Variants in NCAN observed in about 807,000 individuals in gnomAD.
NCAN encodes neurocan core protein.
In NCAN, 47 loss-of-function variants were observed where a neutral mutation model predicts 121.8. The ratio of observed to expected loss-of-function variants is 0.39; its 90% CI spans 0.31 to 0.49. The LOEUF is 0.49. Among genes scored for constraint, NCAN ranks in the 20% least tolerant of loss-of-function variants. NCAN has a pLI of 0.92. For synonymous variants in NCAN, 633 were observed against 702.0 expected, an observed-to-expected ratio of 0.90 and a Z score of 1.55; for missense variants, 1,517 against 1,773.4, an observed-to-expected ratio of 0.86 and a Z score of 2.60.
chr19:19,213,857 G>A (rs1305985461), intron 1 of NCAN, among the ~76,000 whole-genome samples: 3 of 152,088 alleles, frequency 2.0e-5, no homozygotes, highest in East Asian at 3.9e-4. Context: ...TCTCCTCCAC[G>A]GAGTTCCACA....
rs1462680520 is a variant in NCAN at position 19,225,787 on chromosome 19, G to A, written c.1072+517G>A. Among the ~76,000 whole-genome samples the A allele has an allele frequency of 6.6e-6, 1 of 152,314 alleles. No individual in the cohort carries two copies. Among genetic ancestry groups the A allele is most frequent in the Non-Finnish European group, 1.5e-5 (1 of 68,016 alleles). ...CCTCTAAGTAAGCTGCCCCAGTCCTGGCATGGGCATACCATGCCCACGGGG... is the reference window on the plus strand; with the variant it reads ...CCTCTAAGTAAGCTGCCCCAGTCCTAGCATGGGCATACCATGCCCACGGGG... On this transcript the variant is annotated intron_variant, in intron 6 of 14. Transcript: ENST00000252575. The surrounding 1 kb of genome is among the most constrained non-coding windows in gnomAD (Gnocchi z 4.0).
rs1460102244 is a variant in NCAN, at chr19:19,212,906, C to T, written c.-8+842C>T. ...ACGTCCTTACAGCATGACACAGACC[C>T]CTACCCCCACCCCCTTTAGTTCCAC... On this transcript the variant is annotated intron_variant, in intron 1 of 14. Coordinates refer to ENST00000252575, the MANE Select transcript of NCAN (RefSeq NM_004386.3). The surrounding 1 kb of genome is among the most constrained non-coding windows in gnomAD (Gnocchi z 4.5). 6.6e-6 allele frequency among the ~76,000 whole-genome samples: 1 copy of T among 152,214 alleles called. No individual in the cohort carries two copies. The highest frequency in any genetic ancestry group is 1.5e-5 in the Non-Finnish European group (1 of 68,028).
rs1023174316 is a variant in NCAN, at chr19:19,228,415, C to G, written c.2795C>G (p.Thr932Arg). ...GGGAAACCGGCTGTTCCTCCTGGGA[C>G]ACCGACTGCAGCCAGTGTGGGCGAG... ...PLGKPAVPPG[T>R]PTAASVGESA... The change falls in exon 8 of 15, where the codon ACA becomes AGA. Residue 932 changes from threonine (T) to arginine (R), a missense_variant. By Grantham distance (71) the Thr-to-Arg change is moderately conservative. Transcript: ENST00000252575. The G allele has an allele frequency of 1.9e-6, 3 of 1,613,632 alleles. No homozygotes were observed.
rs929280082 is a variant in NCAN, at chr19:19,228,167, G to C, written c.2547G>C (p.Gln849His). ...GTGGAATTTGGGAACCTGGATCCCA[G>C]GTGTTTGAAGAAGCCGAAAGCACCA... ...DASGIWEPGSQVFEEAESTTL... is the reference protein window; with the variant it reads ...DASGIWEPGSHVFEEAESTTL... Residue 849 changes from glutamine to histidine, a missense_variant, in exon 8 of 15, where the codon CAG becomes CAC. Gln to His is a conservative substitution (Grantham distance 24). Coordinates refer to ENST00000252575, the MANE Select transcript of NCAN (RefSeq NM_004386.3). The C allele has an allele frequency of 6.2e-7, 1 of 1,613,904 alleles. No homozygotes were observed. The highest frequency in any genetic ancestry group is 1.3e-5 in the African/African-American group (1 of 75,044).
chr19:19,217,861 C>G (rs1410288762), intron 2 of NCAN, among the ~76,000 whole-genome samples: 2 of 152,144 alleles, frequency 1.3e-5, no homozygotes, highest in African/African-American at 4.8e-5. Context: ...GTGGCACATG[C>G]CTGTAATCCC....
At chr19:19,215,494 T>C (rs2060793185) in intron 1 of NCAN, among the ~76,000 whole-genome samples, 1 of 152,138 alleles carries the variant, frequency 6.6e-6, no homozygotes, top group South Asian at 2.1e-4. Context: ...TTAATAATTG[T>C]CCACTTTATC....
At chr19:19,236,803 A>G (rs1346773090) in intron 10 of NCAN, among the ~76,000 whole-genome samples, 1 of 150,864 alleles carries the variant, frequency 6.6e-6, no homozygotes, top group East Asian at 1.9e-4. Context: ...ATCATAGTTC[A>G]CTGTCACCTT....
Position 19,233,811 on chromosome 19 carries a change from C to A in NCAN, c.3042C>A (p.Asn1014Lys). Residue 1014 changes from asparagine (N) to lysine (K), a missense_variant, in exon 9 of 15, where the codon AAC (asparagine) becomes AAA (lysine). Physicochemically the swap from Asn to Lys is moderately conservative, Grantham distance 94. Coordinates refer to ENST00000252575, the MANE Select transcript of NCAN (RefSeq NM_004386.3). ...CAGTGCACTCAGATCCCTGTGAGAA[C>A]AACCCTTGTCTTCATGGAGGGACAT... ...AEEVHSDPCENNPCLHGGTCN... is the reference protein window; with the variant it reads ...AEEVHSDPCEKNPCLHGGTCN... 1 of 1,613,316 alleles carries A rather than the reference C, an allele frequency of 6.2e-7. No individual in the cohort carries two copies. The highest frequency in any genetic ancestry group is 8.5e-7 in the Non-Finnish European group (1 of 1,179,224).
In NCAN at chr19:19,212,030, C is replaced by A; in HGVS notation, c.-42C>A. On this transcript the variant is annotated 5_prime_UTR_variant, in exon 1 of 15. Coordinates refer to ENST00000252575, the MANE Select transcript of NCAN (RefSeq NM_004386.3). The surrounding 1 kb of genome is among the most constrained non-coding windows in gnomAD (Gnocchi z 4.5). ...GGAGCGCAGCGTCCTTTGTGCCCGG[C>A]GGCCGCCCCGGGATGCGTCCGAGCT... 4.7e-6 allele frequency: 1 copy of A among 211,382 alleles called. No homozygotes were observed. The highest frequency in any genetic ancestry group is 4.4e-5 in the South Asian group (1 of 22,966). 13.1% of individuals were successfully genotyped at this position (211,382 alleles called of 1,614,324 possible). A position where few individuals can be genotyped will look rare whatever the true frequency, so the allele number is the denominator to read the frequency against.
chr19:19,225,800 C>T lies in NCAN; in HGVS notation c.1072+530C>T, dbSNP rs1180784206. Among the ~76,000 whole-genome samples the T allele has an allele frequency of 1.3e-5, 2 of 152,214 alleles. No homozygotes were observed. Among genetic ancestry groups the T allele is most frequent in the East Asian group, 3.8e-4 (2 of 5,200 alleles). On this transcript the variant is annotated intron_variant, in intron 6 of 14. Transcript: ENST00000252575. The surrounding 1 kb of genome is among the most constrained non-coding windows in gnomAD (Gnocchi z 4.0). ...TGCCCCAGTCCTGGCATGGGCATAC[C>T]ATGCCCACGGGGCACCACCTGTACC...
In NCAN at chr19:19,227,076, G is replaced by T. The variant is rs751915040; in HGVS notation, c.1660+3G>T. The T allele has an allele frequency of 1.3e-6, 2 of 1,508,122 alleles. No homozygotes were observed. 93.4% of individuals were successfully genotyped at this position (1,508,122 alleles called of 1,614,324 possible). On this transcript the variant is annotated splice_donor_region_variant and intron_variant, in intron 7 of 14. Transcript: ENST00000252575. The surrounding 1 kb of genome is among the most constrained non-coding windows in gnomAD (Gnocchi z 4.2). ...TGAGGTGGATATGCCTGGAGCTGGTGAGTTGCTCTGGGGGAGGCGGGACCT... is the reference window on the plus strand; with the variant it reads ...TGAGGTGGATATGCCTGGAGCTGGTTAGTTGCTCTGGGGGAGGCGGGACCT...
In NCAN at chr19:19,248,756, G is replaced by A; in HGVS notation, c.3694G>A (p.Ala1232Thr). 6.2e-7 allele frequency: 1 copy of A among 1,614,202 alleles called. No homozygotes were observed. The highest frequency in any genetic ancestry group is 1.1e-5 in the South Asian group (1 of 91,080). The change falls in exon 14 of 15, where the codon GCC becomes ACC. Residue 1232 changes from alanine (A) to threonine (T), a missense_variant. Transcript: ENST00000252575. ...ENASLIGARK[A>T]KYNVHATVRY... ...TGCCTCACTCATCGGTGCCCGCAAG[G>A]CCAAGTACAATGTCCATGCCACTGT...
chr19:19,244,677 G>A (rs1025693944), intron 12 of NCAN, among the ~76,000 whole-genome samples: 2 of 151,028 alleles, frequency 1.3e-5, no homozygotes, highest in Admixed American at 6.6e-5. Context: ...CCTGGACTTC[G>A]GGCTGAGATC....
At chr19:19,247,217 C>T (rs1202411774) in intron 13 of NCAN, among the ~76,000 whole-genome samples, 2 of 151,944 alleles carry the variant, frequency 1.3e-5, no homozygotes, top group Non-Finnish European at 2.9e-5. Context: ...TTACCAGTAG[C>T]TGGACTACGG....
rs753887390 is a variant in NCAN, at chr19:19,251,152, C to G, written c.*1241C>G. ...CAGCTTTTCCTCCATGTCTGTTACT[C>G]ACTTTCAGCAGTCCGGGTAAAATCT... is the stretch of plus-strand genomic sequence containing the variant. On this transcript the variant is annotated 3_prime_UTR_variant, in exon 15 of 15. Coordinates refer to ENST00000252575, the MANE Select transcript of NCAN (RefSeq NM_004386.3). 2.6e-5 allele frequency: 4 copies of G among 152,176 alleles called. No homozygotes were observed. The highest frequency in any genetic ancestry group is 5.9e-5 in the Non-Finnish European group (4 of 68,042). 9.4% of individuals were successfully genotyped at this position (152,176 alleles called of 1,614,324 possible). A position where few individuals can be genotyped will look rare whatever the true frequency, so the allele number is the denominator to read the frequency against.
chr19:19,241,146 C>T (rs2060901978), intron 12 of NCAN, among the ~76,000 whole-genome samples: 1 of 152,114 alleles, frequency 6.6e-6, no homozygotes, highest in Non-Finnish European at 1.5e-5. Context: ...ATCCCAGCTA[C>T]TCAGGAGGCT....
rs2060844411 is a variant in NCAN at position 19,228,028 on chromosome 19, G to A, written c.2408G>A (p.Gly803Glu). ...CCATCTGCCCCCCTGGGGAGCCCTGGAGTCTTCTTGGTACCCAAAGTCACC... is the reference window on the plus strand; with the variant it reads ...CCATCTGCCCCCCTGGGGAGCCCTGAAGTCTTCTTGGTACCCAAAGTCACC... ...SSPSAPLGSP[G>E]VFLVPKVTPN... Residue 803 changes from glycine (G) to glutamate (E), a missense_variant, in exon 8 of 15, where the codon GGA (glycine) becomes GAA (glutamate). Physicochemically the swap from Gly to Glu is moderately conservative, Grantham distance 98. Transcript: ENST00000252575. The A allele has an allele frequency of 6.2e-7, 1 of 1,613,530 alleles. No homozygotes were observed. Among genetic ancestry groups the A allele is most frequent in the South Asian group, 1.1e-5 (1 of 91,078 alleles).
Position 19,220,916 on chromosome 19 carries a change from A to AAAAC in NCAN, c.475+1616_475+1619dup, listed in dbSNP as rs146994215. Among the ~76,000 whole-genome samples, 1,152 of 152,192 alleles carry AAAAC rather than the reference A, an allele frequency of 7.6e-3. 19 individuals are homozygous for AAAAC. Among genetic ancestry groups the AAAAC allele is most frequent in the African/African-American group, 0.025 (1,044 of 41,518 alleles). On this transcript the variant is annotated intron_variant, in intron 3 of 14. Coordinates refer to ENST00000252575, the MANE Select transcript of NCAN (RefSeq NM_004386.3). ...AGACCCTGTCTCTATTAGAAAAACAAAAACAAACAAACAAACAAAAAACAA... is the reference window on the plus strand; with the variant it reads ...AGACCCTGTCTCTATTAGAAAAACAAAAACAAACAAACAAACAAACAAAAAACAA...
chr19:19,251,983 G>C lies in NCAN; in HGVS notation c.*2072G>C, dbSNP rs1352541106. On this transcript the variant is annotated 3_prime_UTR_variant, in exon 15 of 15. Transcript: ENST00000252575. ...AGCCGTTTGCCCTGCCCCCACCTCG[G>C]CTCCATGGTGGGAGGGGGCTCTGGT... The C allele has an allele frequency of 6.6e-6, 1 of 152,592 alleles. No individual in the cohort carries two copies. Among genetic ancestry groups the C allele is most frequent in the African/African-American group, 2.4e-5 (1 of 41,442 alleles). The allele number at this position is 152,592 out of a possible 1,614,324, so 9.5% of individuals were successfully genotyped here. A position where few individuals can be genotyped will look rare whatever the true frequency, so the allele number is the denominator to read the frequency against.
Sources: gnomAD v4.1 joint callset for allele counts (sites outside exome capture counted in the v4.1 genomes callset) on GRCh38, gnomAD v4.1.1 for gene constraint, Gnocchi (gnomAD v3.1) non-coding constraint, MANE v1.5 for transcripts, NCBI Gene and HGNC (gene_info 2026-07-23, HGNC 2026-07-21) for gene names.